CNTN5: variants seen among roughly 807,000 people sequenced by gnomAD.
The protein encoded by CNTN5 is contactin-5.
CNTN5 carries 77 observed loss-of-function variants against 129.1 expected under a neutral mutation model. The observed-to-expected ratio is 0.60, with a 90% CI of 0.50 to 0.72. CNTN5 has a LOEUF of 0.72. Ranked by LOEUF, CNTN5 falls within the 30% of genes least tolerant of loss-of-function variation. CNTN5 has a pLI of 0.00. For synonymous variants in CNTN5, 509 were observed against 465.6 expected (o/e 1.09, Z -1.20); for missense variants, 1,478 against 1,328.8 (o/e 1.11, Z -1.75).
intron 2 of CNTN5, among the ~76,000 whole-genome samples, chr11:99,511,824 T>C (rs1010358949): frequency 6.6e-6 from 1 of 150,628 alleles, no homozygotes; most frequent in Non-Finnish European, 1.5e-5. Flanking sequence ...AGTATAATAA[T>C]AAAATTTAAA....
intron 3 of CNTN5, among the ~76,000 whole-genome samples, chr11:99,796,792 A>G (rs998603003): frequency 8.6e-5 from 13 of 151,866 alleles, no homozygotes; most frequent in Non-Finnish European, 7.4e-5. Flanking sequence ...CACTGCAGAC[A>G]CTCCTGTGCC....
intron 18 of CNTN5, among the ~76,000 whole-genome samples, chr11:100,293,910 T>C (rs1951050146): frequency 6.6e-6 from 1 of 151,748 alleles, no homozygotes; most frequent in Admixed American, 6.6e-5. Flanking sequence ...AAACTAAGCC[T>C]GAGTTAGAAT....
At chr11:100,061,523 CGTATGGTAAGGCATCAT>C in intron 10 of CNTN5, 130 bp downstream of exon 10, 1 of 639,906 alleles carries the variant, frequency 1.6e-6, no homozygotes, top group Non-Finnish European at 2.6e-6. Flanking sequence ...ATACTTCATT[CGTATGGTAAGGCATCAT>C]GTCAAATTAC....
intron 2 of CNTN5, among the ~76,000 whole-genome samples, chr11:99,470,822 T>TA (rs1320955613): frequency 5.3e-5 from 8 of 151,966 alleles, no homozygotes; most frequent in African/African-American, 1.9e-4. Context: ...TTATTTTTTT[T>TA]TATCATTATA....
At chr11:99,498,876 G>A (rs1946326255) in intron 2 of CNTN5, among the ~76,000 whole-genome samples, 1 of 152,144 alleles carries the variant, frequency 6.6e-6, no homozygotes, top group African/African-American at 2.4e-5. Flanking sequence ...TTTGTAATTA[G>A]GGAAACTAAT....
intron 2 of CNTN5, among the ~76,000 whole-genome samples, chr11:99,552,778 T>C (rs1038287948): frequency 6.6e-6 from 1 of 152,116 alleles, no homozygotes; most frequent in African/African-American, 2.4e-5. Flanking sequence ...ATAGAATTGG[T>C]GAAACCAGCA....
chr11:99,482,184 T>C (rs1157140588), intron 2 of CNTN5, among the ~76,000 whole-genome samples: 1 of 152,204 alleles, frequency 6.6e-6, no homozygotes, highest in Non-Finnish European at 1.5e-5. Flanking sequence ...CCCTTTCAGA[T>C]ACTGAGCAAA....
At chr11:99,939,145 A>C (rs899729112) in intron 7 of CNTN5, among the ~76,000 whole-genome samples, 16 of 152,138 alleles carry the variant, frequency 1.1e-4, no homozygotes, top group Non-Finnish European at 1.9e-4. Context: ...TAAAATGGTG[A>C]TTTAATAATC....
intron 3 of CNTN5, among the ~76,000 whole-genome samples, chr11:99,729,302 C>G (rs1353365831): frequency 6.6e-6 from 1 of 151,962 alleles, no homozygotes; most frequent in Non-Finnish European, 1.5e-5. Context: ...ACTGACATAA[C>G]ATTTTTTTAC....
chr11:99,485,090 ATGG>A (rs1330124460), intron 2 of CNTN5, among the ~76,000 whole-genome samples: 1 of 152,130 alleles, frequency 6.6e-6, no homozygotes, highest in Non-Finnish European at 1.5e-5. Flanking sequence ...ACATAAAGAA[ATGG>A]TAAATATTTG....
At chr11:99,746,708 C>G (rs146061314) in intron 3 of CNTN5, among the ~76,000 whole-genome samples, 1 of 152,202 alleles carries the variant, frequency 6.6e-6, no homozygotes, top group Non-Finnish European at 1.5e-5. Flanking sequence ...CACTGCCCTA[C>G]GCCCTCTTCT....
chr11:99,409,037 C>T (rs553962698), intron 2 of CNTN5, among the ~76,000 whole-genome samples: 35 of 152,284 alleles, frequency 2.3e-4, no homozygotes, highest in African/African-American at 8.2e-4. Flanking sequence ...ATTTCTGATT[C>T]TAATAGTAGT....
chr11:99,910,981 A>G (rs1031468802), intron 6 of CNTN5, among the ~76,000 whole-genome samples: 3 of 152,108 alleles, frequency 2.0e-5, no homozygotes, highest in African/African-American at 7.2e-5. Context: ...AGTCAGTATT[A>G]CAAAACTTGT....
At chr11:99,730,227 A>C (rs978215208) in intron 3 of CNTN5, among the ~76,000 whole-genome samples, 27 of 152,190 alleles carry the variant, frequency 1.8e-4, no homozygotes, top group Non-Finnish European at 4.4e-5. Flanking sequence ...AGGAGGCAGA[A>C]TTCTGCTGGA....
intron 1 of CNTN5, among the ~76,000 whole-genome samples, chr11:99,257,569 A>T (rs1310745844): frequency 6.6e-6 from 1 of 151,938 alleles, no homozygotes; most frequent in African/African-American, 2.4e-5. Context: ...AAAAGGTGTA[A>T]TTTTTTATTC....
intron 1 of CNTN5, among the ~76,000 whole-genome samples, chr11:99,125,172 T>G (rs1858560941): frequency 6.6e-6 from 1 of 151,896 alleles, no homozygotes; most frequent in Non-Finnish European, 1.5e-5. Context: ...AAAAGAAAAT[T>G]TAAGACCAGT....
At chr11:100,258,578 A>G (rs905953718) in intron 17 of CNTN5, among the ~76,000 whole-genome samples, 1 of 152,234 alleles carries the variant, frequency 6.6e-6, no homozygotes, top group African/African-American at 2.4e-5. Context: ...CATCAGACTA[A>G]CAGTGGATCT....
chr11:99,997,269 C>T (rs1279259208), intron 8 of CNTN5, among the ~76,000 whole-genome samples: 1 of 152,010 alleles, frequency 6.6e-6, no homozygotes, highest in Non-Finnish European at 1.5e-5. Context: ...TTATATCTTG[C>T]CTTCTGCTAG....
chr11:100,214,711 A>C (rs1949104137), intron 15 of CNTN5, among the ~76,000 whole-genome samples: 1 of 152,132 alleles, frequency 6.6e-6, no homozygotes. Flanking sequence ...CTAACCCCGA[A>C]GCCAACGTCA....
Sources: allele counts gnomAD v4.1 joint callset (sites outside exome capture counted in the v4.1 genomes callset), GRCh38; gene constraint gnomAD v4.1.1; transcripts MANE v1.5; gene names NCBI Gene and HGNC (gene_info 2026-07-23, HGNC 2026-07-21).